ADAMTS12: variants seen among roughly 807,000 people sequenced by gnomAD.
ADAMTS12 encodes the protein ADAM metallopeptidase with thrombospondin type 1 motif 12, also known as A disintegrin and metalloproteinase with thrombospondin motifs 12.
ADAMTS12 carries 118 observed loss-of-function variants against 167.8 expected under a neutral mutation model. The ratio of observed to expected loss-of-function variants is 0.70; its 90% confidence interval spans 0.61 to 0.82. The LOEUF (loss-of-function observed/expected upper bound fraction) is 0.82, where lower values mean the gene tolerates loss of function less well. Among genes scored for constraint, ADAMTS12 ranks in the 40% least tolerant of loss-of-function variants. ADAMTS12 has a pLI of 0.00. For missense variants in ADAMTS12, 1,916 were observed against 1,998.8 expected (o/e 0.96, Z 0.79); for synonymous variants, 704 against 716.9 (o/e 0.98, Z 0.29).
At chr5:33,538,693 T>A (rs528660711) in intron 22 of ADAMTS12, among the ~76,000 whole-genome samples, 2 of 152,300 alleles carry the variant, frequency 1.3e-5, no homozygotes, top group South Asian at 4.1e-4. Context: ...AGCCTTCCTG[T>A]GAGAGCCAGC....
chr5:33,598,131 G>A (rs538337327), intron 16 of ADAMTS12, among the ~76,000 whole-genome samples: 1 of 152,248 alleles, frequency 6.6e-6, no homozygotes, highest in South Asian at 2.1e-4. Flanking sequence ...AAAAGGAAAA[G>A]GGATAACTAT....
intron 2 of ADAMTS12, among the ~76,000 whole-genome samples, chr5:33,835,913 C>T (rs1430273570): frequency 2.5e-4 from 11 of 44,036 alleles, no homozygotes; most frequent in Non-Finnish European, 5.0e-4. Flanking sequence ...ATCCATCTCT[C>T]TCTCTCTCTC....
intron 18 of ADAMTS12, among the ~76,000 whole-genome samples, chr5:33,578,610 G>A (rs1328818121): frequency 2.0e-5 from 3 of 152,074 alleles, no homozygotes; most frequent in African/African-American, 7.2e-5. Context: ...AATCAGGAAT[G>A]GAAAAATTCT....
At chr5:33,613,869 T>C (rs1450802155) in intron 16 of ADAMTS12, among the ~76,000 whole-genome samples, 1 of 152,190 alleles carries the variant, frequency 6.6e-6, no homozygotes, top group Non-Finnish European at 1.5e-5. Flanking sequence ...TGGTTTGAAT[T>C]TGGCCATGAT....
intron 2 of ADAMTS12, among the ~76,000 whole-genome samples, chr5:33,845,162 A>G (rs1748897785): frequency 6.6e-6 from 1 of 152,240 alleles, no homozygotes; most frequent in South Asian, 2.1e-4. Context: ...CCATATACAC[A>G]CATATTCTCT....
In ADAMTS12 at chr5:33,576,128, GC is replaced by G; in HGVS notation, c.3897del (p.Leu1299PhefsTer2). On this transcript the variant is annotated frameshift_variant, in exon 19 of 24. Coordinates refer to ENST00000504830, the MANE Select transcript of ADAMTS12 (RefSeq NM_030955.4). LOFTEE classifies it high-confidence loss of function. ...DATSLITEGF[L>X]LNASNYKQLT... is the part of the protein sequence containing the mutation. ...AGCTGCTTGTAATTGGAGGCATTTA[GC>G]AAAAAGCCCTCAGTAATCAGACTTG... is the stretch of plus-strand genomic sequence containing the variant. 4 of 1,614,164 alleles carry G rather than the reference GC, an allele frequency of 2.5e-6. No individual in the cohort carries two copies. The highest frequency in any genetic ancestry group is 3.4e-6 in the Non-Finnish European group (4 of 1,180,022).
chr5:33,719,109 A>G (rs1743714324), intron 3 of ADAMTS12, among the ~76,000 whole-genome samples: 1 of 152,154 alleles, frequency 6.6e-6, no homozygotes, highest in Non-Finnish European at 1.5e-5. Flanking sequence ...TTTGTCACTG[A>G]GGAAATAGAA....
chr5:33,747,504 T>C (rs1744833192), intron 3 of ADAMTS12, among the ~76,000 whole-genome samples: 1 of 152,198 alleles, frequency 6.6e-6, no homozygotes, highest in African/African-American at 2.4e-5. Flanking sequence ...GATGTATTTA[T>C]CTTATTGGTT....
At chr5:33,568,277 A>G (rs763920488) in intron 19 of ADAMTS12, among the ~76,000 whole-genome samples, 5 of 152,250 alleles carry the variant, frequency 3.3e-5, no homozygotes, top group African/African-American at 4.8e-5. Context: ...AGAAAATGTG[A>G]TAACTCATTT....
At chr5:33,701,366 G>T (rs1742996691) in intron 3 of ADAMTS12, among the ~76,000 whole-genome samples, 1 of 152,056 alleles carries the variant, frequency 6.6e-6, no homozygotes, top group Non-Finnish European at 1.5e-5. Flanking sequence ...GGCTCTGACT[G>T]CCTGGCTACT....
chr5:33,581,440 C>A (rs568444519), intron 18 of ADAMTS12, among the ~76,000 whole-genome samples: 2 of 152,250 alleles, frequency 1.3e-5, no homozygotes, highest in East Asian at 1.9e-4. Flanking sequence ...ACTCCACCCA[C>A]CTGTGGTCCA....
chr5:33,590,385 G>C (rs939749325), intron 17 of ADAMTS12, among the ~76,000 whole-genome samples: 2 of 152,202 alleles, frequency 1.3e-5, no homozygotes, highest in African/African-American at 4.8e-5. Context: ...ACAGTGTTGG[G>C]AGGTGGGATC....
At chr5:33,808,355 T>C (rs1307173873) in intron 2 of ADAMTS12, among the ~76,000 whole-genome samples, 1 of 152,150 alleles carries the variant, frequency 6.6e-6, no homozygotes, top group Non-Finnish European at 1.5e-5. Context: ...TGATCTCCGT[T>C]ATGCCCCATG....
chr5:33,547,135 G>A (rs1400087954), intron 21 of ADAMTS12, among the ~76,000 whole-genome samples: 3 of 152,150 alleles, frequency 2.0e-5, no homozygotes, highest in Admixed American at 2.0e-4. Flanking sequence ...GAGAGAGGGA[G>A]AGGAATTCCA....
chr5:33,866,358 A>G (rs74371619), intron 2 of ADAMTS12, among the ~76,000 whole-genome samples: 4,817 of 152,226 alleles, frequency 0.032, 203 homozygotes, highest in East Asian at 0.17. Context: ...CATCCTGTTT[A>G]ATAAATAAAT....
chr5:33,683,248 T>G (rs1742196947), intron 4 of ADAMTS12, 147 bp from the exon 5 acceptor site: 2 of 561,914 alleles, frequency 3.6e-6, no homozygotes, highest in Non-Finnish European at 6.2e-6. Flanking sequence ...GAGTGAAATA[T>G]GCCCACAGCT....
chr5:33,812,212 C>T (rs1043070266), intron 2 of ADAMTS12, among the ~76,000 whole-genome samples: 3 of 152,084 alleles, frequency 2.0e-5, no homozygotes, highest in African/African-American at 7.2e-5. Context: ...TCACTTGAGC[C>T]CAGGGAGTCA....
intron 17 of ADAMTS12, among the ~76,000 whole-genome samples, chr5:33,592,325 T>A (rs1483104645): frequency 3.3e-5 from 5 of 152,176 alleles, no homozygotes; most frequent in African/African-American, 1.2e-4. Flanking sequence ...GCGTTGAGGT[T>A]GAGAAACCTT....
intron 3 of ADAMTS12, among the ~76,000 whole-genome samples, chr5:33,731,217 A>G (rs1401850016): frequency 6.7e-6 from 1 of 149,068 alleles, no homozygotes; most frequent in Non-Finnish European, 1.5e-5. Flanking sequence ...ACAGGGTCTC[A>G]CTGTCTCCAC....
Sources: gnomAD v4.1 joint callset for allele counts (sites outside exome capture counted in the v4.1 genomes callset) on GRCh38, gnomAD v4.1.1 for gene constraint, MANE v1.5 for transcripts, NCBI Gene and HGNC (gene_info 2026-07-23, HGNC 2026-07-21) for gene names.